Variants in RARB observed in about 807,000 individuals in gnomAD.
RARB encodes HBV-activated protein.
Under a neutral mutation model 51.9 loss-of-function variants are expected in RARB, and 17 were observed. The ratio of observed to expected loss-of-function variants is 0.33; its 90% CI spans 0.22 to 0.49. The LOEUF (loss-of-function observed/expected upper bound fraction) is 0.49, where lower values mean the gene tolerates loss of function less well. Among genes scored for constraint, RARB ranks in the 20% least tolerant of loss-of-function variants. The pLI, the probability that RARB is intolerant of heterozygous loss-of-function variation, is 0.99. For synonymous variants in RARB, 215 were observed against 195.4 expected (o/e 1.10, Z -0.84); for missense variants, 369 against 550.8 (o/e 0.67, Z 3.30).
intron 2 of RARB, among the ~76,000 whole-genome samples, chr3:25,049,715 C>G (rs1014167324): frequency 1.3e-5 from 2 of 152,202 alleles, no homozygotes; most frequent in Admixed American, 1.3e-4. Flanking sequence ...TATTTTAGCT[C>G]AGCATCTTCA....
At chr3:24,839,803 T>G (rs997332233) in intron 1 of RARB, among the ~76,000 whole-genome samples, 2 of 150,524 alleles carry the variant, frequency 1.3e-5, no homozygotes, top group Admixed American at 6.6e-5. Flanking sequence ...TGTTTAGAAC[T>G]AGGGAGAGAA....
chr3:25,074,908 G>A (rs1698842214), intron 3 of RARB, among the ~76,000 whole-genome samples: 1 of 152,160 alleles, frequency 6.6e-6, no homozygotes, highest in Admixed American at 6.5e-5. Flanking sequence ...ATAATTTAGG[G>A]AATGTGAACT....
rs1025744036 is a variant in RARB, at chr3:25,007,347, C to T, written c.-379-52778C>T. On this transcript the variant is annotated intron_variant, in intron 2 of 11. Coordinates refer to the RARB transcript ENST00000383772. ...TAGCTACCAAAACCACACTCATGGC[C>T]GGGTGTAGTGGCTCACGCCTGTAAT... Among the ~76,000 whole-genome samples, 6 of 152,066 alleles carry T rather than the reference C, an allele frequency of 3.9e-5. No individual in the cohort carries two copies. The East Asian group carries it at 7.7e-4, about 20-fold the overall frequency.
In RARB at chr3:25,465,997, G is replaced by A. The variant is rs374499092; in HGVS notation, c.306+4656G>A. On this transcript the variant is annotated intron_variant, in intron 2 of 7. Coordinates refer to ENST00000330688, the MANE Select transcript of RARB (RefSeq NM_000965.5). ...TGAGAATGCTGGGATGTGAATTCTA[G>A]CTAGACTACTTATAAGCTTGGTGCA... Among the ~76,000 whole-genome samples, 9 of 152,120 alleles carry A rather than the reference G, an allele frequency of 5.9e-5. No homozygotes were observed. In the East Asian group the frequency reaches 9.6e-4, roughly 16 times the overall value.
chr3:25,084,941 C>A (rs962514015), intron 3 of RARB, among the ~76,000 whole-genome samples: 2 of 152,070 alleles, frequency 1.3e-5, no homozygotes, highest in South Asian at 4.1e-4. Context: ...CATGACTTCA[C>A]AATACATTTT....
intron 2 of RARB, among the ~76,000 whole-genome samples, chr3:25,468,662 CAGAT>C (rs1490911006): frequency 5.5e-4 from 83 of 152,038 alleles, no homozygotes; most frequent in African/African-American, 1.9e-3. Flanking sequence ...TTAAAACTAA[CAGAT>C]AGGGGCATAT....
intron 5 of RARB, among the ~76,000 whole-genome samples, chr3:25,197,282 A>G (rs1287393133): frequency 1.3e-5 from 2 of 152,152 alleles, no homozygotes; most frequent in Non-Finnish European, 2.9e-5. Flanking sequence ...CTTTCTGCAT[A>G]TGGCTAGCCA....
intron 3 of RARB, among the ~76,000 whole-genome samples, chr3:25,563,550 A>G (rs1700359036): frequency 6.6e-6 from 1 of 152,210 alleles, no homozygotes. Flanking sequence ...TTACAGTGGG[A>G]CGTGCTATGT....
intron 5 of RARB, among the ~76,000 whole-genome samples, chr3:25,322,647 A>G (rs1300830529): frequency 1.3e-5 from 2 of 152,226 alleles, no homozygotes; most frequent in Non-Finnish European, 2.9e-5. Context: ...TTATAATGGC[A>G]TAAGCATGTA....
intron 5 of RARB, among the ~76,000 whole-genome samples, chr3:25,202,240 C>T (rs1192330376): frequency 6.6e-6 from 1 of 152,110 alleles, no homozygotes; most frequent in Non-Finnish European, 1.5e-5. Flanking sequence ...TTATAGTATT[C>T]TCTGATGGTA....
chr3:25,381,265 A>T (rs1018609286), intron 5 of RARB, among the ~76,000 whole-genome samples: 1 of 152,170 alleles, frequency 6.6e-6, no homozygotes, highest in Non-Finnish European at 1.5e-5. Context: ...ACTCTCTGAA[A>T]GGAATGTTGT....
chr3:25,155,940 T>C (rs1277606124), intron 4 of RARB, among the ~76,000 whole-genome samples: 1 of 152,218 alleles, frequency 6.6e-6, no homozygotes, highest in African/African-American at 2.4e-5. Flanking sequence ...CTCCATTGAA[T>C]TTCAATGTAT....
At chr3:25,163,197 T>C (rs1009166607) in intron 4 of RARB, among the ~76,000 whole-genome samples, 19 of 152,134 alleles carry the variant, frequency 1.2e-4, no homozygotes, top group Admixed American at 1.2e-3. Context: ...AACTAGACAT[T>C]TCTTCCACAC....
At chr3:24,870,270 A>G (rs1052950433) in intron 2 of RARB, among the ~76,000 whole-genome samples, 3 of 152,046 alleles carry the variant, frequency 2.0e-5, no homozygotes, top group African/African-American at 7.2e-5. Context: ...TTGTTTTCCT[A>G]TGAACATCTT....
At chr3:25,087,413 T>C (rs1330105730) in intron 3 of RARB, among the ~76,000 whole-genome samples, 4 of 152,126 alleles carry the variant, frequency 2.6e-5, no homozygotes, top group Admixed American at 6.6e-5. Flanking sequence ...GTTCAGATTG[T>C]AGGTGGAAGA....
intron 4 of RARB, among the ~76,000 whole-genome samples, chr3:25,138,761 T>G (rs1262524540): frequency 1.3e-5 from 2 of 151,998 alleles, no homozygotes; most frequent in South Asian, 2.1e-4. Flanking sequence ...CTTGACTAAA[T>G]TAATTAACAT....
intron 2 of RARB, among the ~76,000 whole-genome samples, chr3:24,927,942 G>T (rs969210849): frequency 4.6e-5 from 7 of 152,070 alleles, no homozygotes; most frequent in African/African-American, 1.7e-4. Flanking sequence ...TCCCTGTAAT[G>T]CAGATGTATT....
chr3:24,978,012 CAT>C (rs1468967833), intron 2 of RARB, among the ~76,000 whole-genome samples: 1 of 152,138 alleles, frequency 6.6e-6, no homozygotes, highest in African/African-American at 2.4e-5. Context: ...TTGAGATAAT[CAT>C]GTGATTTTTG....
At chr3:24,986,161 T>C (rs74914343) in intron 2 of RARB, among the ~76,000 whole-genome samples, 743 of 152,270 alleles carry the variant, frequency 4.9e-3, no homozygotes, top group African/African-American at 0.017. Context: ...ACTCAGGAAA[T>C]AGGTATTGAA....
Sources: gnomAD v4.1 joint callset for allele counts (sites outside exome capture counted in the v4.1 genomes callset) on GRCh38, gnomAD v4.1.1 for gene constraint, MANE v1.5 for transcripts, NCBI Gene and HGNC (gene_info 2026-07-23, HGNC 2026-07-21) for gene names.